Variants in UBAC2 observed in about 807,000 individuals in gnomAD.
The protein encoded by UBAC2 is UBA domain containing 2.
Under a neutral mutation model 44.0 loss-of-function variants are expected in UBAC2, and 26 were observed. That is an observed-to-expected ratio of 0.59 (90% CI 0.43 to 0.82). UBAC2 has a LOEUF of 0.82. UBAC2 is among the 40% of genes least tolerant of loss of function. UBAC2 has a pLI of 0.00. For missense variants in UBAC2, 329 were observed against 419.4 expected (o/e 0.78, Z 1.88); for synonymous variants, 155 against 154.3 (o/e 1.00, Z -0.04).
In UBAC2 at chr13:99,234,171, C is replaced by CTTTTTT. The variant is rs773370310; in HGVS notation, c.32-4232_32-4227dup. On this transcript the variant is annotated intron_variant, in intron 1 of 8. Transcript: ENST00000403766. ...GGGCCGGACATTGTGCTAGCCGTTTCTTTTTTTTTTTTTTTTTTTTTTTTT... is the reference window on the plus strand; with the variant it reads ...GGGCCGGACATTGTGCTAGCCGTTTCTTTTTTTTTTTTTTTTTTTTTTTTTTTTTTT... Among the ~76,000 whole-genome samples the CTTTTTT allele has an allele frequency of 1.7e-3, 103 of 61,722 alleles. 8 individuals carry two copies. Among genetic ancestry groups the CTTTTTT allele is most frequent in the South Asian group, 2.6e-3 (3 of 1,162 alleles). The allele number at this position is 61,722 out of a possible 152,430, so 40.5% of individuals were successfully genotyped here.
intron 5 of UBAC2, among the ~76,000 whole-genome samples, 192 bp from the exon 6 acceptor site, chr13:99,317,829 TA>T (rs960757402): frequency 9.9e-5 from 15 of 152,078 alleles, no homozygotes; most frequent in African/African-American, 2.9e-4. Flanking sequence ...GATGTCTGAA[TA>T]AAAAAAATTA....
At chr13:99,303,183 G>A (rs12859788) in intron 4 of UBAC2, among the ~76,000 whole-genome samples, 13,684 of 152,264 alleles carry the variant, frequency 0.09, 707 homozygotes, top group Middle Eastern at 0.14. Context: ...CAAGTACAGA[G>A]AACTTCTTCA....
At chr13:99,245,743 A>C (rs1346457841) in intron 4 of UBAC2, among the ~76,000 whole-genome samples, 1 of 152,162 alleles carries the variant, frequency 6.6e-6, no homozygotes, top group African/African-American at 2.4e-5. Flanking sequence ...GCTGAGGCAG[A>C]AGAATCACTT....
At chr13:99,294,981 A>G (rs2044146148) in intron 4 of UBAC2, 2 of 1,464,506 alleles carry the variant, frequency 1.4e-6, no homozygotes, top group Non-Finnish European at 1.8e-6. Context: ...GAAGCTGAAC[A>G]ATTATTTTGC....
chr13:99,340,268 T>C (rs2044864281), intron 6 of UBAC2, 52 bp from the exon 7 acceptor site: 1 of 1,594,892 alleles, frequency 6.3e-7, no homozygotes, highest in Admixed American at 1.7e-5. Flanking sequence ...TCGTGTACAT[T>C]TTTTAAAATA....
At chr13:99,355,083 A>T (rs1344982446) in intron 7 of UBAC2, among the ~76,000 whole-genome samples, 1 of 152,214 alleles carries the variant, frequency 6.6e-6, no homozygotes, top group Non-Finnish European at 1.5e-5. Context: ...CCACGGAGGA[A>T]ATGTAAGAAG....
chr13:99,338,071 T>TTTAA (rs781548760), intron 6 of UBAC2, among the ~76,000 whole-genome samples: 1 of 105,076 alleles, frequency 9.5e-6, no homozygotes, highest in Non-Finnish European at 1.9e-5. Flanking sequence ...TTTTTTTTTT[T>TTTAA]TTTTGAGACA....
intron 7 of UBAC2, among the ~76,000 whole-genome samples, chr13:99,367,402 G>A (rs188778095): frequency 7.3e-4 from 111 of 152,300 alleles, no homozygotes; most frequent in African/African-American, 2.6e-3. Flanking sequence ...TCGTCTCCAT[G>A]CCTTCCTTCC....
intron 6 of UBAC2, among the ~76,000 whole-genome samples, chr13:99,328,218 A>G (rs1160595522): frequency 4.6e-5 from 7 of 152,278 alleles, no homozygotes; most frequent in African/African-American, 1.4e-4. Flanking sequence ...GTATTAATCT[A>G]TAGTATGGAT....
chr13:99,361,476 A>G (rs952317790), intron 7 of UBAC2, among the ~76,000 whole-genome samples: 13 of 151,828 alleles, frequency 8.6e-5, no homozygotes, highest in Non-Finnish European at 1.5e-4. Context: ...TGATTCTCTC[A>G]CTCTCTTGTA....
intron 6 of UBAC2, among the ~76,000 whole-genome samples, chr13:99,328,208 G>A (rs1474010730): frequency 6.6e-6 from 1 of 152,106 alleles, no homozygotes; most frequent in Non-Finnish European, 1.5e-5. Flanking sequence ...AATAGATTAA[G>A]TATTAATCTA....
At chr13:99,232,109 A>G (rs2142710736) in intron 1 of UBAC2, among the ~76,000 whole-genome samples, 1 of 152,242 alleles carries the variant, frequency 6.6e-6, no homozygotes, top group East Asian at 1.9e-4. Flanking sequence ...AAAAAAGAAA[A>G]TTGGGAGTTA....
chr13:99,341,735 G>T (rs766648655), intron 7 of UBAC2, among the ~76,000 whole-genome samples: 2 of 152,180 alleles, frequency 1.3e-5, no homozygotes. Context: ...TATTTAGCAG[G>T]AGGTAAATCC....
intron 1 of UBAC2, chr13:99,215,792 AAAGGGCT>A (rs2042986963): frequency 7.1e-6 from 6 of 847,970 alleles, no homozygotes; most frequent in Non-Finnish European, 1.1e-5. Context: ...CAAGGCAGAG[AAAGGGCT>A]AATCAGACCC....
chr13:99,317,088 G>A lies in UBAC2; in HGVS notation c.514-934G>A, dbSNP rs564245707. Among the ~76,000 whole-genome samples, 9 of 152,300 alleles carry A rather than the reference G, an allele frequency of 5.9e-5. No individual in the cohort carries two copies. In the South Asian group the frequency reaches 1.7e-3, roughly 28 times the overall value. ...ATTTCTAACTGAGCCTATCACTAGA[G>A]CAAAGCTTGCCAGCCTCTTTATCTG... On this transcript the variant is annotated intron_variant, in intron 5 of 8. Transcript: ENST00000403766.
chr13:99,226,497 A>G (rs1442544878), intron 1 of UBAC2, among the ~76,000 whole-genome samples: 1 of 152,080 alleles, frequency 6.6e-6, no homozygotes, highest in African/African-American at 2.4e-5. Context: ...ACTATCTTCC[A>G]CCATTGCCTT....
At chr13:99,205,541 T>A (rs1248990699) in intron 1 of UBAC2, among the ~76,000 whole-genome samples, 2 of 152,108 alleles carry the variant, frequency 1.3e-5, no homozygotes, top group Non-Finnish European at 2.9e-5. Context: ...AACCTGTTAT[T>A]TTTTGTTTTA....
chr13:99,322,405 T>G (rs1260527667), intron 6 of UBAC2, among the ~76,000 whole-genome samples: 2 of 152,268 alleles, frequency 1.3e-5, no homozygotes, highest in Admixed American at 6.5e-5. Context: ...GGATGCACCC[T>G]AATTCTCAAA....
chr13:99,255,317 C>T lies in UBAC2; in HGVS notation c.389+10693C>T, dbSNP rs752412207. 2.5e-5 allele frequency: 41 copies of T among 1,613,982 alleles called. No individual in the cohort carries two copies. The highest frequency in any genetic ancestry group is 2.8e-5 in the Non-Finnish European group (33 of 1,180,014). On this transcript the variant is annotated intron_variant, in intron 4 of 8. Coordinates refer to ENST00000403766, the MANE Select transcript of UBAC2 (RefSeq NM_001144072.2). The stretch of plus-strand genomic sequence containing the variant: ...AATGTCAGTCGAGTGAGGTTCAGCA[C>T]GTTCACAGCTTTTAGATAGATGATG...
Sources: allele counts gnomAD v4.1 joint callset (sites outside exome capture counted in the v4.1 genomes callset), GRCh38; gene constraint gnomAD v4.1.1; transcripts MANE v1.5; gene names NCBI Gene and HGNC (gene_info 2026-07-23, HGNC 2026-07-21).